TACC2: variants seen among roughly 807,000 people sequenced by gnomAD.
TACC2 encodes the protein transforming acidic coiled-coil containing protein 2.
TACC2 carries 137 observed loss-of-function variants against 227.3 expected under a neutral mutation model. The observed-to-expected ratio is 0.60, with a 90% CI of 0.52 to 0.69. TACC2 has a LOEUF of 0.69. TACC2 is among the 30% of genes least tolerant of loss of function. The pLI is 0.00. For missense variants in TACC2, 3,470 were observed against 3,694.4 expected, an observed-to-expected ratio of 0.94 and a Z score of 1.57; for synonymous variants, 1,523 against 1,487.5, an observed-to-expected ratio of 1.02 and a Z score of -0.55.
At chr10:122,189,809 C>T (rs1030177479) in intron 7 of TACC2, among the ~76,000 whole-genome samples, 1 of 152,210 alleles carries the variant, frequency 6.6e-6, no homozygotes, top group African/African-American at 2.4e-5. Context: ...GGAGGCAGTG[C>T]TCCATGAAGG....
chr10:122,136,880 T>A (rs2089778244), intron 6 of TACC2, among the ~76,000 whole-genome samples: 2 of 152,000 alleles, frequency 1.3e-5, no homozygotes, highest in East Asian at 1.9e-4. Context: ...ATAAAAAAAA[T>A]TTAAAAAAAA....
intron 5 of TACC2, among the ~76,000 whole-genome samples, chr10:122,098,967 C>A (rs1339777376): frequency 6.6e-6 from 1 of 152,188 alleles, no homozygotes; most frequent in African/African-American, 2.4e-5. Context: ...GAATCTAGGG[C>A]TTTGGGGTTA....
At chr10:122,164,009 G>A (rs1356558015) in intron 7 of TACC2, 2 of 1,570,156 alleles carry the variant, frequency 1.3e-6, no homozygotes, top group African/African-American at 1.4e-5. Context: ...GCTCCGCCCG[G>A]GCCGCCCCGA....
intron 5 of TACC2, among the ~76,000 whole-genome samples, chr10:122,103,857 A>G (rs2082443173): frequency 6.6e-6 from 1 of 152,176 alleles, no homozygotes; most frequent in Admixed American, 6.5e-5. Context: ...GGCCCAGCCG[A>G]CCAGCTGCCT....
rs74264562 is a variant in TACC2 at position 122,075,188 on chromosome 10, CA to C, written c.147-7444del. ...CGCTCTTCACAATAAATCTTGCTGC[CA>C]AAAAAAAAAAAAAAGAAAGAAAGAA... On this transcript the variant is annotated intron_variant, in intron 3 of 22. Coordinates refer to ENST00000369005, the MANE Select transcript of TACC2 (RefSeq NM_206862.4). Among the ~76,000 whole-genome samples the C allele has an allele frequency of 4.9e-5, 7 of 142,614 alleles. No homozygotes were observed. The South Asian group carries it at 9.0e-4, about 18-fold the overall frequency. 93.6% of individuals were successfully genotyped at this position (142,614 alleles called of 152,430 possible). A position where few individuals can be genotyped will look rare whatever the true frequency, so the allele number is the denominator to read the frequency against.
intron 2 of TACC2, among the ~76,000 whole-genome samples, chr10:122,030,112 A>G (rs1248055999): frequency 1.3e-5 from 2 of 151,940 alleles, no homozygotes; most frequent in South Asian, 2.1e-4. Context: ...CAAAATGTCA[A>G]CAGCGCTGAG....
At chr10:122,203,807 T>G (rs971084772) in intron 8 of TACC2, among the ~76,000 whole-genome samples, 88 of 152,036 alleles carry the variant, frequency 5.8e-4, no homozygotes, top group East Asian at 1.4e-3. Flanking sequence ...CAAGGCAGGC[T>G]GCTGGGAGGT....
chr10:122,122,639 G>A (rs183296414), intron 5 of TACC2, among the ~76,000 whole-genome samples: 1 of 152,060 alleles, frequency 6.6e-6, no homozygotes, highest in Non-Finnish European at 1.5e-5. Context: ...ACAGCTTCTT[G>A]TTCCTTAGCT....
chr10:122,001,081 C>T (rs544542504), intron 1 of TACC2, among the ~76,000 whole-genome samples: 4 of 152,334 alleles, frequency 2.6e-5, no homozygotes, highest in Admixed American at 6.5e-5. Flanking sequence ...CCGTGGCTTC[C>T]CAAAGTGCTG....
At chr10:122,187,655 T>C (rs1425844979) in intron 7 of TACC2, among the ~76,000 whole-genome samples, 3 of 152,036 alleles carry the variant, frequency 2.0e-5, no homozygotes, top group Non-Finnish European at 1.5e-5. Context: ...CACGCCCAGC[T>C]AATTTTTGTA....
rs544681635 is a variant in TACC2 at position 122,101,629 on chromosome 10, G to A, written c.5573+13038G>A. Among the ~76,000 whole-genome samples the A allele has an allele frequency of 7.1e-5, 10 of 141,460 alleles. No homozygotes were observed. In the South Asian group the frequency reaches 2.1e-3, roughly 30 times the overall value. 92.8% of individuals were successfully genotyped at this position (141,460 alleles called of 152,430 possible). A position where few individuals can be genotyped will look rare whatever the true frequency, so the allele number is the denominator to read the frequency against. On this transcript the variant is annotated intron_variant, in intron 5 of 22. Transcript: ENST00000369005. Reference sequence around the variant, plus strand: ...GGCTGGAGTGCAGTGGTGTGATCTCGGCTCACTGCAAGCTCCGCCTCCTGG... The same window carrying A: ...GGCTGGAGTGCAGTGGTGTGATCTCAGCTCACTGCAAGCTCCGCCTCCTGG...
chr10:122,186,030 G>C (rs1183239711), intron 7 of TACC2, among the ~76,000 whole-genome samples: 1 of 152,096 alleles, frequency 6.6e-6, no homozygotes, highest in Admixed American at 6.6e-5. Context: ...TCCTGGGCAA[G>C]CTATTCTCCC....
intron 1 of TACC2, among the ~76,000 whole-genome samples, chr10:122,001,155 T>G (rs1954272050): frequency 6.6e-6 from 1 of 152,216 alleles, no homozygotes; most frequent in Admixed American, 6.5e-5. Flanking sequence ...ATACTTCCAT[T>G]GTTTAATCAG....
chr10:122,211,049 G>A lies in TACC2; in HGVS notation c.6624G>A (p.Glu2208=), dbSNP rs150139481. The A allele has an allele frequency of 3.7e-6, 6 of 1,612,256 alleles. No homozygotes were observed. The highest frequency in any genetic ancestry group is 5.1e-6 in the Non-Finnish European group (6 of 1,179,286). Residue 2208 remains glutamate, a synonymous_variant, in exon 9 of 23, where the codon GAG becomes GAA. Coordinates refer to ENST00000369005, the MANE Select transcript of TACC2 (RefSeq NM_206862.4). ...GPKAACPLDS[E]SAEGVVPPAS... is the part of the protein sequence containing the mutation. The stretch of plus-strand genomic sequence containing the variant: ...AAGCTGCCTGCCCTCTGGACTCAGA[G>A]AGTGCAGAAGGGGTTGTCCCCCCGG...
At chr10:122,143,327 G>A (rs927237492) in intron 6 of TACC2, among the ~76,000 whole-genome samples, 11 of 152,240 alleles carry the variant, frequency 7.2e-5, no homozygotes, top group Non-Finnish European at 1.2e-4. Flanking sequence ...AAAGAAACCC[G>A]GTTCTACAGA....
intron 6 of TACC2, among the ~76,000 whole-genome samples, chr10:122,143,303 G>C (rs1432736655): frequency 6.6e-6 from 1 of 152,144 alleles, no homozygotes; most frequent in African/African-American, 2.4e-5. Context: ...CTGGACACCT[G>C]AGCTGCCTCT....
rs2092755468 is a variant in TACC2, at chr10:122,160,533, G to T, written c.5834+16827G>T. The stretch of plus-strand genomic sequence containing the variant: ...GCCTCACACAGCAGAGAAGAAGTGT[G>T]TGTGTGGGGGGGGTCTCGTGTCTTT... On this transcript the variant is annotated intron_variant, in intron 7 of 22. Coordinates refer to ENST00000369005, the MANE Select transcript of TACC2 (RefSeq NM_206862.4). Among the ~76,000 whole-genome samples, 3 of 120,152 alleles carry T rather than the reference G, an allele frequency of 2.5e-5. No homozygotes were observed. In the South Asian group the frequency reaches 6.7e-4, roughly 27 times the overall value. The allele number at this position is 120,152 out of a possible 152,430, so 78.8% of individuals were successfully genotyped here.
chr10:122,045,977 G>GC (rs2074933267), intron 2 of TACC2, among the ~76,000 whole-genome samples: 1 of 216 alleles, frequency 4.6e-3, no homozygotes. Context: ...ATCGAGACCA[G>GC]CCTGCCAACA....
Position 121,995,239 on chromosome 10 carries a change from C to T in TACC2, c.-46+5751C>T, listed in dbSNP as rs184367504. Among the ~76,000 whole-genome samples the T allele has an allele frequency of 2.6e-5, 4 of 152,292 alleles. No homozygotes were observed. In the East Asian group the frequency reaches 7.7e-4, roughly 29 times the overall value. On this transcript the variant is annotated intron_variant, in intron 1 of 22. Coordinates refer to ENST00000369005, the MANE Select transcript of TACC2 (RefSeq NM_206862.4). Reference sequence around the variant, plus strand: ...TGTTGTGCCTGCCAACTTGAGCCGCCGTGTGATCTTGGCAAACGCTGTGTT... The same window carrying T: ...TGTTGTGCCTGCCAACTTGAGCCGCTGTGTGATCTTGGCAAACGCTGTGTT...
Sources: allele counts gnomAD v4.1 joint callset (sites outside exome capture counted in the v4.1 genomes callset), GRCh38; gene constraint gnomAD v4.1.1; transcripts MANE v1.5; gene names NCBI Gene and HGNC (gene_info 2026-07-23, HGNC 2026-07-21).